PDE4D: variants seen among roughly 807,000 people sequenced by gnomAD.
PDE4D encodes the protein phosphodiesterase 4D, also known as 3',5'-cyclic-AMP phosphodiesterase 4D.
In PDE4D, 24 loss-of-function variants were observed where a neutral mutation model predicts 87.4. The ratio of observed to expected loss-of-function variants is 0.27; its 90% confidence interval spans 0.20 to 0.39. PDE4D has a LOEUF of 0.39. PDE4D is among the 10% of genes least tolerant of loss of function. The pLI, the probability that PDE4D is intolerant of heterozygous loss-of-function variation, is 1.00. For synonymous variants in PDE4D, 384 were observed against 383.2 expected (o/e 1.00, Z -0.02); for missense variants, 714 against 1,041.0 (o/e 0.69, Z 4.32).
At chr5:60,269,215 G>A (rs940347557) in intron 1 of PDE4D, among the ~76,000 whole-genome samples, 1 of 152,210 alleles carries the variant, frequency 6.6e-6, no homozygotes, top group African/African-American at 2.4e-5. Context: ...GCCGAGGTAG[G>A]AGAATCGCTT....
chr5:60,109,337 C>T lies in PDE4D; in HGVS notation c.42+76220G>A, dbSNP rs1321479864. Among the ~76,000 whole-genome samples, 29 of 152,078 alleles carry T rather than the reference C, an allele frequency of 1.9e-4. No homozygotes were observed. The South Asian group carries it at 5.4e-3, about 28-fold the overall frequency. On this transcript the variant is annotated intron_variant, in intron 2 of 16. Coordinates refer to the PDE4D transcript ENST00000502484. ...TACCATCTCACACCAGTTAGAAAGGCAATCATTAAAAAGTCAGGAAACAAC... is the reference window on the plus strand; with the variant it reads ...TACCATCTCACACCAGTTAGAAAGGTAATCATTAAAAAGTCAGGAAACAAC...
Position 60,199,649 on chromosome 5 carries a change from GAAGT to G in PDE4D, c.-89-13966_-89-13963del, listed in dbSNP as rs368146577. ...TTAAAAATCTCTTTAATTCACTAAA[GAAGT>G]AATATAAGCGAAAGCATATAAATGA... On this transcript the variant is annotated intron_variant, in intron 1 of 16. Transcript: ENST00000502484. 4.5e-4 allele frequency among the ~76,000 whole-genome samples: 68 copies of G among 151,724 alleles called. No individual in the cohort carries two copies. In the South Asian group the frequency reaches 0.012, roughly 28 times the overall value.
chr5:59,953,159 A>G (rs1013040014), intron 3 of PDE4D, among the ~76,000 whole-genome samples: 1 of 152,122 alleles, frequency 6.6e-6, no homozygotes, highest in African/African-American at 2.4e-5. Context: ...CATGCAATTA[A>G]ACATAAGGCA....
At chr5:60,520,133 T>C (rs925450977) in intron 1 of PDE4D, among the ~76,000 whole-genome samples, 12 of 152,194 alleles carry the variant, frequency 7.9e-5, no homozygotes, top group African/African-American at 2.7e-4. Context: ...CACTGGATGG[T>C]TGTTTTTGTG....
chr5:58,978,493 T>C (rs1024755689), intron 11 of PDE4D, among the ~76,000 whole-genome samples: 1 of 151,848 alleles, frequency 6.6e-6, no homozygotes, highest in Non-Finnish European at 1.5e-5. Flanking sequence ...ATAGAAAATA[T>C]ATAACGAATG....
At position 59,573,875 on chromosome 5, in the gene PDE4D, G is replaced by A. The variant is rs146412706; in HGVS notation, c.455+319293C>T. Among the ~76,000 whole-genome samples, 53 of 150,100 alleles carry A rather than the reference G, an allele frequency of 3.5e-4. 1 individual carries two copies. In the East Asian group the frequency reaches 6.7e-3, roughly 19 times the overall value. On this transcript the variant is annotated intron_variant, in intron 1 of 14. Transcript: ENST00000340635. Reference sequence around the variant, plus strand: ...TAGCTGGGTGTGGCAGCTTGCATGCGTAGTCCCAGCAACTCGGGAGGCTGA... The same window carrying A: ...TAGCTGGGTGTGGCAGCTTGCATGCATAGTCCCAGCAACTCGGGAGGCTGA...
At chr5:59,256,636 T>C (rs929221935) in intron 1 of PDE4D, among the ~76,000 whole-genome samples, 1 of 152,072 alleles carries the variant, frequency 6.6e-6, no homozygotes, top group Non-Finnish European at 1.5e-5. Context: ...TGAGTGTTCA[T>C]GGAACGTAGG....
chr5:59,224,159 A>T (rs1164912670), intron 1 of PDE4D, among the ~76,000 whole-genome samples: 1 of 148,692 alleles, frequency 6.7e-6, no homozygotes, highest in East Asian at 2.0e-4. Flanking sequence ...GTCAGGCACG[A>T]TGATGGCACA....
intron 1 of PDE4D, among the ~76,000 whole-genome samples, chr5:60,297,701 A>C (rs2149786420): frequency 6.6e-6 from 1 of 152,368 alleles, no homozygotes; most frequent in African/African-American, 2.4e-5. Context: ...ACCAAAGGTT[A>C]GTAGGTTGAC....
intron 1 of PDE4D, among the ~76,000 whole-genome samples, chr5:59,245,653 T>G (rs543823282): frequency 2.6e-5 from 4 of 152,268 alleles, no homozygotes; most frequent in African/African-American, 9.6e-5. Flanking sequence ...TGAGTGTATG[T>G]ATGTCTATCT....
intron 6 of PDE4D, among the ~76,000 whole-genome samples, chr5:59,028,309 T>C (rs1227592421): frequency 6.6e-6 from 1 of 151,996 alleles, no homozygotes; most frequent in Admixed American, 6.6e-5. Flanking sequence ...TAAAACATTA[T>C]AATAGTCCTC....
intron 3 of PDE4D, among the ~76,000 whole-genome samples, chr5:59,907,770 A>T (rs1407102192): frequency 6.6e-6 from 1 of 152,142 alleles, no homozygotes; most frequent in Non-Finnish European, 1.5e-5. Context: ...GACCAAGGAG[A>T]TGAGAGCTGG....
chr5:59,664,627 T>C (rs1425059799), intron 1 of PDE4D, among the ~76,000 whole-genome samples: 1 of 152,214 alleles, frequency 6.6e-6, no homozygotes, highest in Non-Finnish European at 1.5e-5. Context: ...GTGAAAAATT[T>C]CATTCATAAA....
At chr5:59,350,630 G>A (rs913452466) in intron 1 of PDE4D, among the ~76,000 whole-genome samples, 7 of 152,104 alleles carry the variant, frequency 4.6e-5, no homozygotes, top group African/African-American at 1.7e-4. Flanking sequence ...TCCAGGCACT[G>A]GCCATACAAA....
chr5:60,342,599 A>T (rs1197755350), intron 1 of PDE4D, among the ~76,000 whole-genome samples: 3 of 152,214 alleles, frequency 2.0e-5, no homozygotes, highest in Non-Finnish European at 2.9e-5. Flanking sequence ...CTGGTCTTAA[A>T]GGTGAAGAAT....
intron 1 of PDE4D, among the ~76,000 whole-genome samples, chr5:59,297,213 A>C (rs1428829969): frequency 1.3e-5 from 2 of 152,206 alleles, no homozygotes; most frequent in Non-Finnish European, 2.9e-5. Flanking sequence ...CAGAGTTAAC[A>C]TCCTATAAAG....
At chr5:59,345,501 T>A (rs1429445210) in intron 1 of PDE4D, among the ~76,000 whole-genome samples, 1 of 152,176 alleles carries the variant, frequency 6.6e-6, no homozygotes, top group Non-Finnish European at 1.5e-5. Context: ...TATCAGATCG[T>A]TTCTTATTTT....
chr5:59,471,311 C>T (rs375456639), intron 1 of PDE4D, among the ~76,000 whole-genome samples: 11 of 152,216 alleles, frequency 7.2e-5, no homozygotes, highest in African/African-American at 2.6e-4. Context: ...CCTGTATTGC[C>T]ATTTTAAAAG....
chr5:60,519,430 C>T (rs1750940261), intron 1 of PDE4D, among the ~76,000 whole-genome samples: 1 of 152,154 alleles, frequency 6.6e-6, no homozygotes, highest in Non-Finnish European at 1.5e-5. Flanking sequence ...GGTTAAAATC[C>T]ATTATAATGA....
Sources: gnomAD v4.1 joint callset for allele counts (sites outside exome capture counted in the v4.1 genomes callset) on GRCh38, gnomAD v4.1.1 for gene constraint, MANE v1.5 for transcripts, NCBI Gene and HGNC (gene_info 2026-07-23, HGNC 2026-07-21) for gene names.